ERLEC1: variants seen among roughly 807,000 people sequenced by gnomAD.
ERLEC1 encodes ER lectin.
A neutral mutation model predicts 68.0 loss-of-function variants in ERLEC1; 47 were observed. The ratio of observed to expected loss-of-function variants is 0.69; its 90% CI spans 0.55 to 0.88. The LOEUF (loss-of-function observed/expected upper bound fraction) is 0.88. Ranked by LOEUF, ERLEC1 falls within the 40% of genes least tolerant of loss-of-function variation. The pLI, the probability that ERLEC1 is intolerant of heterozygous loss-of-function variation, is 0.00. For synonymous variants in ERLEC1, 225 were observed against 203.2 expected, an observed-to-expected ratio of 1.11 and a Z score of -0.91; for missense variants, 567 against 583.8, an observed-to-expected ratio of 0.97 and a Z score of 0.30.
At chr2:53,810,029 C>T (rs1676505803) in intron 10 of ERLEC1, among the ~76,000 whole-genome samples, 1 of 152,124 alleles carries the variant, frequency 6.6e-6, no homozygotes, top group African/African-American at 2.4e-5. Flanking sequence ...CCAGCTTGAG[C>T]AACAGAGCGA....
chr2:53,808,094 C>T (rs1162288925), intron 8 of ERLEC1, among the ~76,000 whole-genome samples: 1 of 151,882 alleles, frequency 6.6e-6, no homozygotes, highest in Admixed American at 6.6e-5. Flanking sequence ...TTAGGATGGT[C>T]GTAACTGATA....
chr2:53,790,838 T>C (rs1675354252), intron 1 of ERLEC1, among the ~76,000 whole-genome samples: 1 of 152,264 alleles, frequency 6.6e-6, no homozygotes, highest in Non-Finnish European at 1.5e-5. Context: ...TCTTTGCTTA[T>C]TGATGTTTAG....
chr2:53,797,759 G>A lies in ERLEC1; in HGVS notation c.454G>A (p.Gly152Arg). 3.1e-6 allele frequency: 5 copies of A among 1,612,748 alleles called. No homozygotes were observed. The highest frequency in any genetic ancestry group is 4.2e-6 in the Non-Finnish European group (5 of 1,179,318). ...AATAAATATTCACGAGTACTACCTT[G>A]GGAATATGTTGGCCAAGAACCTTCT... ...QKINIHEYYL[G>R]NMLAKNLLFE... The change falls in exon 5 of 14, where the codon GGG (glycine) becomes AGG (arginine). Residue 152 changes from glycine (G) to arginine (R), a missense_variant. Coordinates refer to ENST00000185150, the MANE Select transcript of ERLEC1 (RefSeq NM_015701.5).
At chr2:53,794,533 T>C in intron 2 of ERLEC1, 84 bp downstream of exon 2, 5 of 634,604 alleles carry the variant, frequency 7.9e-6, no homozygotes, top group Non-Finnish European at 1.4e-5. Flanking sequence ...GAAGTAAAAT[T>C]GAATAACAGA....
At chr2:53,806,136 A>C (rs765260244) in intron 8 of ERLEC1, among the ~76,000 whole-genome samples, 5 of 152,194 alleles carry the variant, frequency 3.3e-5, no homozygotes, top group Non-Finnish European at 7.3e-5. Context: ...ACAAAAATAT[A>C]AATCTGGCTA....
At position 53,787,137 on chromosome 2, in the gene ERLEC1, ACCT is replaced by A. The variant is rs941817958; in HGVS notation, c.-57_-55del. On this transcript the variant is annotated 5_prime_UTR_variant, in exon 1 of 14. Coordinates refer to ENST00000185150, the MANE Select transcript of ERLEC1 (RefSeq NM_015701.5). ...TTATAGTCCCGCCGCCTCCTCCTCC[ACCT>A]CCTCCTCCTCCTCCTCTCCTCCTGG... 16,235 of 865,102 alleles carry A rather than the reference ACCT, an allele frequency of 0.019. No individual in the cohort carries two copies. Among genetic ancestry groups the A allele is most frequent in the East Asian group, 0.028 (585 of 20,676 alleles). The allele number at this position is 865,102 out of a possible 1,614,324, so 53.6% of individuals were successfully genotyped here. A position where few individuals can be genotyped will look rare whatever the true frequency, so the allele number is the denominator to read the frequency against.
At chr2:53,787,448 T>C in intron 1 of ERLEC1, 76 bp downstream of exon 1, 1 of 1,503,656 alleles carries the variant, frequency 6.7e-7, no homozygotes, top group Non-Finnish European at 8.9e-7. Context: ...CGGTTTTCTT[T>C]GCTTTTTCTC....
At chr2:53,797,836 T>A in intron 5 of ERLEC1, 41 bp downstream of exon 5, 1 of 1,506,984 alleles carries the variant, frequency 6.6e-7, no homozygotes. Context: ...TGCTGGAATT[T>A]GGTTTAAAAT....
intron 1 of ERLEC1, among the ~76,000 whole-genome samples, chr2:53,790,135 C>G (rs1217076879): frequency 6.6e-6 from 1 of 151,628 alleles, no homozygotes; most frequent in Non-Finnish European, 1.5e-5. Flanking sequence ...GCTCTGTCAC[C>G]CAGGCTAGAG....
chr2:53,787,402 C>T (rs751795523), intron 1 of ERLEC1, 30 bp downstream of exon 1: 15 of 1,589,980 alleles, frequency 9.4e-6, no homozygotes, highest in East Asian at 6.7e-5. Context: ...CCGCAGCCAC[C>T]CCTCCTCCTG....
rs367829166 is a variant in ERLEC1, at chr2:53,797,726, A to T, written c.427-6A>T. On this transcript the variant is annotated splice_polypyrimidine_tract_variant and splice_region_variant and intron_variant, in intron 4 of 13. Transcript: ENST00000185150. The stretch of plus-strand genomic sequence containing the variant: ...TAGTATATTTTTATTTTACTTTTCA[A>T]TGTAGAAAATAAATATTCACGAGTA... 3 of 1,607,932 alleles carry T rather than the reference A, an allele frequency of 1.9e-6. No individual in the cohort carries two copies. The highest frequency in any genetic ancestry group is 2.6e-6 in the Non-Finnish European group (3 of 1,176,326).
intron 8 of ERLEC1, among the ~76,000 whole-genome samples, chr2:53,807,885 C>G (rs976007864): frequency 1.3e-5 from 2 of 151,706 alleles, no homozygotes; most frequent in Non-Finnish European, 2.9e-5. Context: ...AAATGCCAGG[C>G]GTGGTGGCAG....
At chr2:53,802,294 C>T (rs1269753864) in intron 8 of ERLEC1, among the ~76,000 whole-genome samples, 11 of 152,162 alleles carry the variant, frequency 7.2e-5, no homozygotes, top group Non-Finnish European at 1.3e-4. Flanking sequence ...AATAATCTCA[C>T]ACTCATCATT....
intron 11 of ERLEC1, among the ~76,000 whole-genome samples, chr2:53,813,291 C>T (rs1301013717): frequency 1.3e-5 from 2 of 152,136 alleles, no homozygotes; most frequent in Non-Finnish European, 2.9e-5. Flanking sequence ...CAAATGCTGG[C>T]TCATCACTTC....
intron 1 of ERLEC1, among the ~76,000 whole-genome samples, chr2:53,793,093 A>ATTTGCTATTTGT (rs1675498414): frequency 6.6e-6 from 1 of 152,220 alleles, no homozygotes; most frequent in African/African-American, 2.4e-5. Flanking sequence ...ATAGCCAAAT[A>ATTTGCTATTTGT]GTACCATAGT....
chr2:53,797,668 G>C, intron 4 of ERLEC1, 64 bp from the exon 5 acceptor site: 2 of 1,567,772 alleles, frequency 1.3e-6, no homozygotes, highest in Non-Finnish European at 1.7e-6. Flanking sequence ...TAGTTTTAAA[G>C]TTGTATCCTT....
intron 8 of ERLEC1, among the ~76,000 whole-genome samples, chr2:53,805,880 G>C (rs376024550): frequency 6.6e-6 from 1 of 152,046 alleles, no homozygotes; most frequent in African/African-American, 2.4e-5. Context: ...GTTTTGATTT[G>C]CTTTTCTCTG....
At chr2:53,815,006 T>C (rs887338304) in intron 13 of ERLEC1, 71 bp downstream of exon 13, 53 of 1,031,390 alleles carry the variant, frequency 5.1e-5, no homozygotes, top group Non-Finnish European at 6.9e-5. Flanking sequence ...TTTTTTTTTT[T>C]TTTTTTTTTT....
rs768147925 is a variant in ERLEC1 at position 53,812,987 on chromosome 2, A to G, written c.1140A>G (p.Thr380=). ...DSGKTSVVVG[T]WNQEEHIEWA... ...GGAAAACCTCTGTGGTTGTCGGGAC[A>G]TGGAACCAAGAAGAGCATATTGAAT... is the stretch of plus-strand genomic sequence containing the variant. The change falls in exon 11 of 14, where the codon ACA becomes ACG. Residue 380 remains threonine, a synonymous_variant. Transcript: ENST00000185150. The G allele has an allele frequency of 6.2e-6, 10 of 1,613,512 alleles. No individual in the cohort carries two copies. In the Admixed American group the frequency reaches 8.4e-5, roughly 13 times the overall value.
Sources: gnomAD v4.1 joint callset for allele counts (sites outside exome capture counted in the v4.1 genomes callset) on GRCh38, gnomAD v4.1.1 for gene constraint, MANE v1.5 for transcripts, NCBI Gene and HGNC (gene_info 2026-07-23, HGNC 2026-07-21) for gene names.